ATP8B4: variants seen among roughly 807,000 people sequenced by gnomAD.
The protein encoded by ATP8B4 is probable phospholipid-transporting ATPase IM.
A neutral mutation model predicts 145.6 loss-of-function variants in ATP8B4; 133 were observed. The observed-to-expected ratio is 0.91, with a 90% CI of 0.79 to 1.05. The LOEUF is 1.05. ATP8B4 is among the 50% of genes least tolerant of loss of function. The probability of loss-of-function intolerance (pLI) is 0.00; values close to 1 mark genes in which losing one functional copy is unlikely to be tolerated. For missense variants in ATP8B4, 1,458 were observed against 1,425.2 expected (o/e 1.02, Z -0.37); for synonymous variants, 507 against 492.9 (o/e 1.03, Z -0.38).
intron 17 of ATP8B4, chr15:49,922,445 G>T: frequency 2.3e-6 from 1 of 427,130 alleles, no homozygotes; most frequent in Non-Finnish European, 4.6e-6. Context: ...CTATTGGAAA[G>T]ACAAAAAACA....
chr15:50,179,399 G>A (rs2044811326), intron 1 of ATP8B4, among the ~76,000 whole-genome samples: 1 of 152,106 alleles, frequency 6.6e-6, no homozygotes, highest in Non-Finnish European at 1.5e-5. Flanking sequence ...TCAACTCTAG[G>A]CCAGGTATGT....
intron 14 of ATP8B4, among the ~76,000 whole-genome samples, chr15:49,939,958 A>G (rs767350186): frequency 6.6e-6 from 1 of 152,218 alleles, no homozygotes; most frequent in Non-Finnish European, 1.5e-5. Context: ...GGGAGTGTAA[A>G]TTAGTTCAGC....
intron 13 of ATP8B4, among the ~76,000 whole-genome samples, chr15:49,965,862 A>C (rs2153514728): frequency 6.8e-6 from 1 of 147,278 alleles, no homozygotes; most frequent in Middle Eastern, 3.4e-3. Flanking sequence ...TCTGGTCCGT[A>C]GCTCCCAATG....
At chr15:49,970,825 G>A (rs1386340869) in intron 13 of ATP8B4, among the ~76,000 whole-genome samples, 2 of 152,014 alleles carry the variant, frequency 1.3e-5, no homozygotes, top group Non-Finnish European at 2.9e-5. Context: ...ACAATCCTAA[G>A]CAAAAAGAAC....
chr15:49,922,097 T>C (rs1056600335), intron 17 of ATP8B4: 1 of 163,160 alleles, frequency 6.1e-6, no homozygotes, highest in Non-Finnish European at 1.3e-5. Context: ...ATGAGCATTT[T>C]ATTAAGGTCT....
intron 13 of ATP8B4, among the ~76,000 whole-genome samples, chr15:49,964,189 G>A (rs138077790): frequency 1.4e-3 from 211 of 152,294 alleles, no homozygotes; most frequent in African/African-American, 4.8e-3. Flanking sequence ...CTGGAATGCT[G>A]TATGGCTGCT....
chr15:49,970,021 C>G (rs2044947652), intron 13 of ATP8B4, among the ~76,000 whole-genome samples: 1 of 152,048 alleles, frequency 6.6e-6, no homozygotes, highest in Admixed American at 6.6e-5. Context: ...TGATAAAAAC[C>G]ACATGATTAT....
chr15:50,026,408 G>A (rs913167558), intron 6 of ATP8B4, among the ~76,000 whole-genome samples: 2 of 152,150 alleles, frequency 1.3e-5, no homozygotes, highest in African/African-American at 4.8e-5. Context: ...CAAGAGGTCC[G>A]GGAAAGAGCC....
Position 49,920,231 on chromosome 15 carries a change from C to G in ATP8B4, c.1923+15G>C, listed in dbSNP as rs183917939. 138 of 1,612,672 alleles carry G rather than the reference C, an allele frequency of 8.6e-5. No individual in the cohort carries two copies. The South Asian group carries it at 1.5e-3, about 17-fold the overall frequency. ...TTTCCTGTAAACACAAACCATCATG[C>G]TTCTAAACTCATACCATCAAATCTC... is the stretch of plus-strand genomic sequence containing the variant. On this transcript the variant is annotated intron_variant, in intron 18 of 27. Coordinates refer to ENST00000284509, the MANE Select transcript of ATP8B4 (RefSeq NM_024837.4).
chr15:49,892,312 T>C (rs1179700417), intron 23 of ATP8B4, among the ~76,000 whole-genome samples: 1 of 152,184 alleles, frequency 6.6e-6, no homozygotes, highest in Non-Finnish European at 1.5e-5. Flanking sequence ...AAAGTTGAGA[T>C]ATATTCACAT....
chr15:50,157,316 T>A (rs1054998223), intron 1 of ATP8B4, among the ~76,000 whole-genome samples: 4 of 152,080 alleles, frequency 2.6e-5, no homozygotes, highest in Non-Finnish European at 4.4e-5. Context: ...AGAGAGAGAC[T>A]CAGCCTGAGA....
At chr15:50,032,185 G>T (rs2050495958) in intron 6 of ATP8B4, among the ~76,000 whole-genome samples, 3 of 148,758 alleles carry the variant, frequency 2.0e-5, no homozygotes, top group Admixed American at 6.7e-5. Flanking sequence ...CCCTCCCCTT[G>T]CCCCCCACCC....
intron 12 of ATP8B4, among the ~76,000 whole-genome samples, chr15:49,974,556 A>C (rs2045503617): frequency 1.3e-5 from 2 of 151,976 alleles, no homozygotes; most frequent in African/African-American, 4.8e-5. Context: ...CCAGTTTTTC[A>C]ATATGAGTTT....
chr15:49,871,446 T>G (rs1281009106), intron 25 of ATP8B4, among the ~76,000 whole-genome samples: 1 of 152,158 alleles, frequency 6.6e-6, no homozygotes, highest in Non-Finnish European at 1.5e-5. Context: ...CTCTCTGAAC[T>G]TTATCTATAA....
chr15:50,033,188 T>C (rs1202182799), intron 6 of ATP8B4, among the ~76,000 whole-genome samples: 3 of 152,186 alleles, frequency 2.0e-5, no homozygotes, highest in Non-Finnish European at 4.4e-5. Flanking sequence ...ATGAATAAGA[T>C]TGATGGAAAC....
At chr15:50,066,961 C>G (rs1378543814) in intron 3 of ATP8B4, among the ~76,000 whole-genome samples, 4 of 152,124 alleles carry the variant, frequency 2.6e-5, no homozygotes, top group Non-Finnish European at 5.9e-5. Flanking sequence ...TCCCTCTTTC[C>G]TGAGACGTTC....
At chr15:49,933,517 A>T (rs1039099027) in intron 15 of ATP8B4, among the ~76,000 whole-genome samples, 2 of 152,086 alleles carry the variant, frequency 1.3e-5, no homozygotes, top group Admixed American at 1.3e-4. Flanking sequence ...ACCTTCTCAT[A>T]ATGGAGCCTA....
At chr15:49,866,547 C>T (rs558581314) in intron 25 of ATP8B4, 63 bp from the exon 26 acceptor site, 6 of 1,575,596 alleles carry the variant, frequency 3.8e-6, no homozygotes, top group South Asian at 2.3e-5. Flanking sequence ...CATTTTACCT[C>T]GTGATGTTTC....
Position 49,860,259 on chromosome 15 carries a change from T to C in ATP8B4, c.3514A>G (p.Asn1172Asp). 4 of 1,614,166 alleles carry C rather than the reference T, an allele frequency of 2.5e-6. No individual in the cohort carries two copies. Among genetic ancestry groups the C allele is most frequent in the Non-Finnish European group, 3.4e-6 (4 of 1,179,998 alleles). ...THYNSTSWIE[N>D]LCKKTTDTVS... is the part of the protein sequence containing the mutation. ...GTGTCTGTGGTTTTCTTACATAAAT[T>C]TTCAATCCAGCTAGTGCTATTATAA... The change falls in exon 28 of 28, where the codon AAT becomes GAT. Residue 1172 changes from asparagine to aspartate, a missense_variant. Asn to Asp is a conservative substitution (Grantham distance 23). Transcript: ENST00000284509.
Sources: allele counts gnomAD v4.1 joint callset (sites outside exome capture counted in the v4.1 genomes callset), GRCh38; gene constraint gnomAD v4.1.1; transcripts MANE v1.5; gene names NCBI Gene and HGNC (gene_info 2026-07-23, HGNC 2026-07-21).